GPHN: variants seen among roughly 807,000 people sequenced by gnomAD.
GPHN encodes gephyrin.
Under a neutral mutation model 95.5 loss-of-function variants are expected in GPHN, and 17 were observed. That is an observed-to-expected ratio of 0.18 (90% confidence interval 0.12 to 0.27). The LOEUF (loss-of-function observed/expected upper bound fraction) is 0.27, where lower values mean the gene tolerates loss of function less well. GPHN is among the 10% of genes least tolerant of loss of function. GPHN has a pLI of 1.00. For missense variants in GPHN, 660 were observed against 978.1 expected (o/e 0.67, Z 4.34); for synonymous variants, 320 against 322.5 (o/e 0.99, Z 0.08).
chr14:67,150,552 A>G (rs2081219983), intron 18 of GPHN, among the ~76,000 whole-genome samples: 1 of 151,424 alleles, frequency 6.6e-6, no homozygotes, highest in African/African-American at 2.4e-5. Flanking sequence ...AATATTATAT[A>G]GGAAAAATGT....
the GPHN span, chr14:67,726,873 GT>G: frequency 1.1e-6 from 1 of 943,622 alleles, no homozygotes. Context: ...ATCAAAATTG[GT>G]TCACACCCAG....
intron 1 of GPHN, among the ~76,000 whole-genome samples, chr14:66,559,233 T>C (rs186068113): frequency 0.024 from 3,682 of 152,102 alleles, 69 homozygotes; most frequent in Non-Finnish European, 0.038. Context: ...GCATGATTTA[T>C]AGTCCTTTGG....
At chr14:66,667,936 C>T (rs2066064801) in intron 1 of GPHN, among the ~76,000 whole-genome samples, 1 of 152,104 alleles carries the variant, frequency 6.6e-6, no homozygotes, top group African/African-American at 2.4e-5. Context: ...AACTTAAATA[C>T]ATTTAGAAGA....
chr14:67,272,387 G>A, the GPHN span, among the ~76,000 whole-genome samples: 2 of 152,014 alleles, frequency 1.3e-5, no homozygotes, highest in South Asian at 2.1e-4. Context: ...TTCCAACCTC[G>A]TTTTTCATCT....
the GPHN span, among the ~76,000 whole-genome samples, chr14:67,225,944 TGTGTGTGTGTGTGTGTGTGC>T: frequency 7.4e-6 from 1 of 135,584 alleles, no homozygotes; most frequent in Non-Finnish European, 1.5e-5. Context: ...TGTGTGTGTG[TGTGTGTGTGTGTGTGTGTGC>T]GCGCGCGCGC....
At chr14:66,879,815 C>G in intron 4 of GPHN, 124 bp from the exon 5 acceptor site, 1 of 709,370 alleles carries the variant, frequency 1.4e-6, no homozygotes, top group Non-Finnish European at 2.6e-6. Flanking sequence ...ATAAATGTTT[C>G]AGAAACTAAA....
chr14:67,417,031 A>G, the GPHN span, among the ~76,000 whole-genome samples: 1 of 152,236 alleles, frequency 6.6e-6, no homozygotes, highest in Admixed American at 6.5e-5. Context: ...GTGTGCTTGA[A>G]TGTTGTGGTA....
intron 1 of GPHN, among the ~76,000 whole-genome samples, chr14:66,646,490 G>T (rs1300076503): frequency 6.6e-6 from 1 of 152,120 alleles, no homozygotes; most frequent in Non-Finnish European, 1.5e-5. Context: ...AAGAGATACT[G>T]ATATGCCCAT....
the GPHN span, chr14:67,660,286 G>A: frequency 2.9e-4 from 46 of 159,964 alleles, no homozygotes; most frequent in Non-Finnish European, 9.6e-5. Flanking sequence ...TCTGAAGATC[G>A]CACAAAAAGG....
intron 1 of GPHN, among the ~76,000 whole-genome samples, chr14:66,662,472 A>G (rs2065717291): frequency 1.3e-5 from 2 of 152,132 alleles, no homozygotes; most frequent in South Asian, 2.1e-4. Flanking sequence ...AAAAAAATCC[A>G]AAGATCAGCC....
intron 8 of GPHN, among the ~76,000 whole-genome samples, chr14:66,940,621 C>A (rs1407935711): frequency 3.3e-5 from 5 of 152,190 alleles, no homozygotes; most frequent in African/African-American, 1.2e-4. Context: ...ACTAGCATAA[C>A]CTTTATTCAT....
rs1015139481 is a variant in GPHN, at chr14:66,628,940, C to T, written c.65-52167C>T. Among the ~76,000 whole-genome samples, 32 of 150,292 alleles carry T rather than the reference C, an allele frequency of 2.1e-4. No homozygotes were observed. The South Asian group carries it at 2.9e-3, about 14-fold the overall frequency. On this transcript the variant is annotated intron_variant, in intron 1 of 22. Transcript: ENST00000478722. Reference sequence around the variant, plus strand: ...ATGAGCCAGGTGTGTTGGTGTACCCCTATAGTCCCAGCCACTCTGGAGGCT... The same window carrying T: ...ATGAGCCAGGTGTGTTGGTGTACCCTTATAGTCCCAGCCACTCTGGAGGCT...
At chr14:67,199,428 T>G in the GPHN span, 1 of 1,613,510 alleles carries the variant, frequency 6.2e-7, no homozygotes, top group South Asian at 1.1e-5. Flanking sequence ...TTCAGCGCCT[T>G]TGGGGTCATC....
chr14:67,217,477 A>G, the GPHN span, among the ~76,000 whole-genome samples: 1 of 152,252 alleles, frequency 6.6e-6, no homozygotes, highest in African/African-American at 2.4e-5. Flanking sequence ...TGTTTTGTAT[A>G]TCATTTGCTC....
chr14:67,397,750 C>A, the GPHN span: 2 of 1,613,352 alleles, frequency 1.2e-6, no homozygotes, highest in Non-Finnish European at 8.5e-7. Flanking sequence ...TCTCCGACCC[C>A]CCTCAAGCTT....
the GPHN span, among the ~76,000 whole-genome samples, chr14:67,296,069 G>A: frequency 2.6e-5 from 4 of 152,204 alleles, no homozygotes; most frequent in South Asian, 2.1e-4. Context: ...CAACAGCACC[G>A]AGATGTGCCT....
At chr14:67,193,814 G>A in the GPHN span, among the ~76,000 whole-genome samples, 29 of 148,772 alleles carry the variant, frequency 1.9e-4, no homozygotes, top group South Asian at 5.5e-3. Flanking sequence ...GTATGGTAGC[G>A]TGTACCTGTA....
chr14:67,604,926 C>T, the GPHN span, among the ~76,000 whole-genome samples: 3 of 152,114 alleles, frequency 2.0e-5, no homozygotes, highest in Non-Finnish European at 2.9e-5. Flanking sequence ...ACAAATTTCT[C>T]GGTCTATTTC....
the GPHN span, among the ~76,000 whole-genome samples, chr14:67,721,738 GATATATAT>G: frequency 0.56 from 82,811 of 146,808 alleles, 24,929 homozygotes; most frequent in Non-Finnish European, 0.69. Context: ...AACAAGTGGG[GATATATAT>G]ATATATATAT....
Sources: allele counts gnomAD v4.1 joint callset (sites outside exome capture counted in the v4.1 genomes callset), GRCh38; gene constraint gnomAD v4.1.1; transcripts MANE v1.5; gene names NCBI Gene and HGNC (gene_info 2026-07-23, HGNC 2026-07-21).